The following LTA4H variants were observed in gnomAD, a reference collection of about 807,000 sequenced individuals.
LTA4H encodes the protein leukotriene A-4 hydrolase.
A neutral mutation model predicts 89.8 loss-of-function variants in LTA4H; 59 were observed. The ratio of observed to expected loss-of-function variants is 0.66; its 90% CI spans 0.53 to 0.82. The LOEUF is 0.82. Ranked by LOEUF, LTA4H falls within the 40% of genes least tolerant of loss-of-function variation. The pLI is 0.00. For synonymous variants in LTA4H, 227 were observed against 253.1 expected (o/e 0.90, Z 0.98); for missense variants, 617 against 727.0 (o/e 0.85, Z 1.74).
chr12:96,022,186 T>C lies in LTA4H; in HGVS notation c.546A>G (p.Pro182=). Residue 182 remains proline (P), a synonymous_variant, in exon 5 of 19, where the codon CCA becomes CCG. Transcript: ENST00000228740. The surrounding 1 kb of genome is among the most constrained non-coding windows in gnomAD (Gnocchi z 4.0). ...SAIRDGETPD[P]EDPSRKIYKF... is the part of the protein sequence containing the mutation. Reference sequence around the variant, plus strand: ...TGTATATTTTCCTGCTTGGGTCTTCTGGGTCAGGTGTTTCTCCATCACGAA... The same window carrying C: ...TGTATATTTTCCTGCTTGGGTCTTCCGGGTCAGGTGTTTCTCCATCACGAA... 3.7e-6 allele frequency: 6 copies of C among 1,614,052 alleles called. No homozygotes were observed. Among genetic ancestry groups the C allele is most frequent in the South Asian group, 3.3e-5 (3 of 91,082 alleles).
Position 96,022,396 on chromosome 12 carries a change from GTA to G in LTA4H, c.481-147_481-146del, listed in dbSNP as rs1950463956. 10 of 583,372 alleles carry G rather than the reference GTA, an allele frequency of 1.7e-5. No homozygotes were observed. In the South Asian group the frequency reaches 1.7e-4, roughly 10 times the overall value. The allele number at this position is 583,372 out of a possible 1,614,324, so 36.1% of individuals were successfully genotyped here. On this transcript the variant is annotated intron_variant, in intron 4 of 18. Coordinates refer to ENST00000228740, the MANE Select transcript of LTA4H (RefSeq NM_000895.3). This position sits in a 1 kb window ranked among gnomAD's most constrained non-coding sequence, Gnocchi z 4.0. ...CAAAAAGTATATACATATACAAAAA[GTA>G]TATATATACACACACATATATATGA... is the stretch of plus-strand genomic sequence containing the variant.
At chr12:96,029,239 C>A (rs12721568) in intron 1 of LTA4H, 54 bp from the exon 2 acceptor site, 1 of 1,063,036 alleles carries the variant, frequency 9.4e-7, no homozygotes, top group Non-Finnish European at 1.3e-6. Context: ...CCAGAAAAAA[C>A]TCATATTAGA....
chr12:96,019,079 C>T (rs1315271546), intron 7 of LTA4H, 89 bp downstream of exon 7: 19 of 1,269,542 alleles, frequency 1.5e-5, no homozygotes, highest in South Asian at 6.8e-5. Flanking sequence ...GTTCTTTCCC[C>T]GTATCACTTA....
intron 14 of LTA4H, 63 bp downstream of exon 14, chr12:96,013,125 T>A (rs1455064593): frequency 8.0e-7 from 1 of 1,252,248 alleles, no homozygotes; most frequent in Non-Finnish European, 1.2e-6. Context: ...TTCTTTCAGA[T>A]ATTTTGAGGC....
intron 17 of LTA4H, 179 bp downstream of exon 17, chr12:96,003,659 C>T: frequency 5.2e-6 from 2 of 380,960 alleles, no homozygotes; most frequent in South Asian, 8.7e-5. Context: ...TTAATACTAC[C>T]AGATTACATA....
rs147001898 is a variant in LTA4H, at chr12:96,014,985, C to T, written c.1074G>A (p.Gly358=). ...CAAGTTTGGTGAAAGGATGTGTCTCCCCAAATGTCTTTACCTGCAAGACAT... is the reference window on the plus strand; with the variant it reads ...CAAGTTTGGTGAAAGGATGTGTCTCTCCAAATGTCTTTACCTGCAAGACAT... The part of the protein sequence containing the change: ...GELQNSVKTF[G]ETHPFTKLVV... The change falls in exon 12 of 19, where the codon GGG becomes GGA. Residue 358 remains glycine, a synonymous_variant. Transcript: ENST00000228740. 2,386 of 1,609,934 alleles carry T rather than the reference C, an allele frequency of 1.5e-3. 14 individuals carry two copies. The highest frequency in any genetic ancestry group is 7.3e-3 in the Middle Eastern group (44 of 6,040).
At chr12:96,031,616 T>C (rs1056462437) in intron 1 of LTA4H, among the ~76,000 whole-genome samples, 1 of 152,186 alleles carries the variant, frequency 6.6e-6, no homozygotes, top group African/African-American at 2.4e-5. Flanking sequence ...TAAAAAGCAG[T>C]TGTACTTCTC....
chr12:96,022,267 A>G lies in LTA4H; in HGVS notation c.481-16T>C. ...GGACAGACACCTAATCAAGGAGAAA[A>G]ATCATTTCTAGTCATAAATAAAAGC... On this transcript the variant is annotated splice_polypyrimidine_tract_variant and intron_variant, in intron 4 of 18. Coordinates refer to ENST00000228740, the MANE Select transcript of LTA4H (RefSeq NM_000895.3). This position sits in a 1 kb window ranked among gnomAD's most constrained non-coding sequence, Gnocchi z 4.0. 2 of 1,511,838 alleles carry G rather than the reference A, an allele frequency of 1.3e-6. No individual in the cohort carries two copies. Among genetic ancestry groups the G allele is most frequent in the South Asian group, 2.3e-5 (2 of 87,722 alleles). The allele number at this position is 1,511,838 out of a possible 1,614,324, so 93.7% of individuals were successfully genotyped here. A position where few individuals can be genotyped will look rare whatever the true frequency, so the allele number is the denominator to read the frequency against.
Position 96,013,200 on chromosome 12 carries a change from G to A in LTA4H, c.1367C>T (p.Pro456Leu). 1 of 1,613,376 alleles carries A rather than the reference G, an allele frequency of 6.2e-7. No individual in the cohort carries two copies. The highest frequency in any genetic ancestry group is 8.5e-7 in the Non-Finnish European group (1 of 1,179,428). Reference sequence around the variant, plus strand: ...GGCAAGTACTTACTTGGGCTTTATGGGAGGCAGTCCAGGAGAGTAGAGCCA... The same window carrying A: ...GGCAAGTACTTACTTGGGCTTTATGAGAGGCAGTCCAGGAGAGTAGAGCCA... ...NAWLYSPGLP[P>L]IKPNYDMTLT... Residue 456 changes from proline (P) to leucine (L), a missense_variant, in exon 14 of 19, where the codon CCC becomes CTC. By Grantham distance (98) the Pro-to-Leu change is moderately conservative. Coordinates refer to ENST00000228740, the MANE Select transcript of LTA4H (RefSeq NM_000895.3).
rs774191023 is a variant in LTA4H, at chr12:96,027,023, G to T, written c.411+421C>A. Among the ~76,000 whole-genome samples, 44 of 152,160 alleles carry T rather than the reference G, an allele frequency of 2.9e-4. 1 individual carries two copies. Among genetic ancestry groups the T allele is most frequent in the Non-Finnish European group, 4.3e-4 (29 of 68,020 alleles). On this transcript the variant is annotated intron_variant, in intron 3 of 18. Coordinates refer to ENST00000228740, the MANE Select transcript of LTA4H (RefSeq NM_000895.3). ...AAGCTACATTCCAAACTCAATGGTG[G>T]TTACCTCTGGGCAATGGTGTCTGGA... is the stretch of plus-strand genomic sequence containing the variant.
At chr12:96,013,366 C>A in intron 13 of LTA4H, 108 bp from the exon 14 acceptor site, 1 of 638,508 alleles carries the variant, frequency 1.6e-6, no homozygotes. Context: ...TCTGCTATAT[C>A]AAGATAATTT....
upstream of LTA4H, chr12:96,035,772 G>C (rs975516224): frequency 1.3e-6 from 1 of 764,236 alleles, no homozygotes; most frequent in African/African-American, 1.8e-5. Flanking sequence ...ATGTTGAGGG[G>C]GACCAAGCGT....
Position 96,014,887 on chromosome 12 carries a change from A to C in LTA4H, c.1172T>G (p.Leu391Arg). Reference protein sequence around the residue: ...SVPYEKGFALLFYLEQLLGGP... With the variant: ...SVPYEKGFALRFYLEQLLGGP... ...TCCAAGCAGTTGTTCAAGGTAAAAA[A>C]GTAAAGCAAAGCCCTTCTCATAGGG... The change falls in exon 12 of 19, where the codon CTT becomes CGT. Residue 391 changes from leucine (L) to arginine (R), a missense_variant. Leu to Arg is a moderately radical substitution (Grantham distance 102). This residue lies in a region of LTA4H where 290 missense variants were observed against 339.1 expected (regional missense o/e 0.86). Transcript: ENST00000228740. 1 of 1,613,582 alleles carries C rather than the reference A, an allele frequency of 6.2e-7. No homozygotes were observed.
chr12:96,033,233 T>A (rs182484557), intron 1 of LTA4H, among the ~76,000 whole-genome samples: 1,533 of 152,326 alleles, frequency 0.01, 13 homozygotes, highest in Non-Finnish European at 0.013. Flanking sequence ...TTAATTTTTT[T>A]AAATAAAGGT....
intron 13 of LTA4H, 122 bp downstream of exon 13, chr12:96,013,628 A>G: frequency 1.6e-6 from 1 of 623,824 alleles, no homozygotes. Context: ...AAAATATGCA[A>G]TGAGAGGTTG....
chr12:96,042,620 C>T (rs921728855), intron 1 of LTA4H, among the ~76,000 whole-genome samples: 5 of 152,184 alleles, frequency 3.3e-5, no homozygotes, highest in African/African-American at 1.2e-4. Flanking sequence ...TCACCTACGT[C>T]TTTAGATGAA....
chr12:96,013,413 A>G (rs1950333798), intron 13 of LTA4H, among the ~76,000 whole-genome samples, 155 bp from the exon 14 acceptor site: 2 of 152,236 alleles, frequency 1.3e-5, no homozygotes, highest in African/African-American at 2.4e-5. Flanking sequence ...TTAAATTGAT[A>G]GATCATAATT....
In LTA4H at chr12:96,006,347, T is replaced by C; in HGVS notation, c.1497A>G (p.Gln499=). The C allele has an allele frequency of 6.2e-7, 1 of 1,611,874 alleles. No homozygotes were observed. The highest frequency in any genetic ancestry group is 8.5e-7 in the Non-Finnish European group (1 of 1,178,918). Residue 499 remains glutamine, a synonymous_variant, in exon 16 of 19, where the codon CAA becomes CAG. Coordinates refer to ENST00000228740, the MANE Select transcript of LTA4H (RefSeq NM_000895.3). ...GCGTCTGTGCTAAAAACTCATTCAA[T>C]TGATGAGAAGAGAGATCCTTCAGGT... ...ATDLKDLSSH[Q]LNEFLAQTLQ...
At chr12:96,021,682 C>T (rs893205778) in intron 5 of LTA4H, among the ~76,000 whole-genome samples, 1 of 152,008 alleles carries the variant, frequency 6.6e-6, no homozygotes, top group Non-Finnish European at 1.5e-5. Flanking sequence ...CACACACACA[C>T]ACACACACAC....
Sources: allele counts gnomAD v4.1 joint callset (sites outside exome capture counted in the v4.1 genomes callset), GRCh38; gene constraint gnomAD v4.1.1; regional missense constraint gnomAD v4.1.1; non-coding constraint Gnocchi (gnomAD v3.1); transcripts MANE v1.5; gene names NCBI Gene and HGNC (gene_info 2026-07-23, HGNC 2026-07-21).